RPTOR: variants seen among roughly 807,000 people sequenced by gnomAD.
RPTOR encodes regulatory associated protein of MTOR complex 1, also known as regulatory-associated protein of mTOR.
In RPTOR, 21 loss-of-function variants were observed where a neutral mutation model predicts 169.9. The ratio of observed to expected loss-of-function variants is 0.12; its 90% confidence interval spans 0.09 to 0.18. The LOEUF (loss-of-function observed/expected upper bound fraction) is 0.18, where lower values mean the gene tolerates loss of function less well. Among genes scored for constraint, RPTOR ranks in the 10% least tolerant of loss-of-function variants. The pLI, the probability that RPTOR is intolerant of heterozygous loss-of-function variation, is 1.00. For synonymous variants in RPTOR, 732 were observed against 753.2 expected (o/e 0.97, Z 0.46); for missense variants, 1,133 against 1,855.9 (o/e 0.61, Z 7.16).
intron 4 of RPTOR, among the ~76,000 whole-genome samples, chr17:80,725,263 G>A (rs2066321639): frequency 6.6e-6 from 1 of 152,212 alleles, no homozygotes; most frequent in Non-Finnish European, 1.5e-5. Flanking sequence ...ACAGACTGGT[G>A]AGGCAGGCGG....
chr17:80,690,885 C>A (rs1035966807), intron 3 of RPTOR, among the ~76,000 whole-genome samples: 1 of 152,142 alleles, frequency 6.6e-6, no homozygotes, highest in Non-Finnish European at 1.5e-5. Flanking sequence ...GCCTCAAATT[C>A]TCGGGCCCAA....
intron 2 of RPTOR, among the ~76,000 whole-genome samples, chr17:80,631,056 G>A (rs73443098): frequency 2.3e-4 from 35 of 152,250 alleles, no homozygotes; most frequent in African/African-American, 8.2e-4. Flanking sequence ...CTGTGCCCAG[G>A]GCGTGTTCTG....
Position 80,960,290 on chromosome 17 carries a change from G to A in RPTOR, c.3605+85G>A, listed in dbSNP as rs538970191. ...GGCCGTGTCACTGCCATTTGGTTGG[G>A]TCCAGGTTTCTCAGTGAGATGCAAA... On this transcript the variant is annotated intron_variant, in intron 30 of 33. Transcript: ENST00000306801. This position sits in a 1 kb window ranked among gnomAD's most constrained non-coding sequence, Gnocchi z 4.8. 80 of 1,562,120 alleles carry A rather than the reference G, an allele frequency of 5.1e-5. 1 individual carries two copies. In the South Asian group the frequency reaches 8.7e-4, roughly 17 times the overall value.
chr17:80,650,447 CCT>C (rs973466126), intron 3 of RPTOR, among the ~76,000 whole-genome samples: 13 of 152,188 alleles, frequency 8.5e-5, no homozygotes, highest in African/African-American at 3.1e-4. Flanking sequence ...CGGGAGCGCC[CCT>C]CTCACTGGTA....
At chr17:80,932,361 AG>A (rs2068908476) in intron 24 of RPTOR, among the ~76,000 whole-genome samples, 1 of 152,172 alleles carries the variant, frequency 6.6e-6, no homozygotes, top group Admixed American at 6.5e-5. Context: ...ACAAAGGAAA[AG>A]TATGAGATGC....
intron 3 of RPTOR, among the ~76,000 whole-genome samples, chr17:80,696,843 G>T (rs62067880): frequency 6.6e-6 from 1 of 152,124 alleles, no homozygotes; most frequent in Non-Finnish European, 1.5e-5. Context: ...AGGGGAACAC[G>T]GTGGCACCCA....
intron 6 of RPTOR, among the ~76,000 whole-genome samples, chr17:80,767,576 C>A (rs1481654392): frequency 1.3e-5 from 2 of 152,168 alleles, no homozygotes; most frequent in African/African-American, 2.4e-5. Flanking sequence ...AACAACCATT[C>A]AAAGACAACC....
At position 80,553,100 on chromosome 17, in the gene RPTOR, C is replaced by T. The variant is rs186124594; in HGVS notation, c.162+7309C>T. Among the ~76,000 whole-genome samples the T allele has an allele frequency of 1.7e-3, 252 of 152,358 alleles. 2 individuals are homozygous for T. The highest frequency in any genetic ancestry group is 5.4e-3 in the African/African-American group (225 of 41,574). On this transcript the variant is annotated intron_variant, in intron 1 of 33. Coordinates refer to ENST00000306801, the MANE Select transcript of RPTOR (RefSeq NM_020761.3). ...AAAGTGATGAATCAAGACAGCGGTG[C>T]CAAGCTGTACTACTAGTTCCTGATT...
chr17:80,556,079 G>GA, intron 1 of RPTOR, among the ~76,000 whole-genome samples: 1 of 148,054 alleles, frequency 6.8e-6, no homozygotes, highest in South Asian at 2.1e-4. Flanking sequence ...AGACTCACAT[G>GA]AGACACTCAC....
At chr17:80,783,010 G>A (rs2066957074) in intron 6 of RPTOR, among the ~76,000 whole-genome samples, 1 of 152,224 alleles carries the variant, frequency 6.6e-6, no homozygotes, top group Non-Finnish European at 1.5e-5. Flanking sequence ...TGTGTTGTGT[G>A]TGTGTTTCCT....
At chr17:80,783,187 G>A (rs1193486179) in intron 6 of RPTOR, among the ~76,000 whole-genome samples, 1 of 152,236 alleles carries the variant, frequency 6.6e-6, no homozygotes, top group African/African-American at 2.4e-5. Context: ...TTCGAAAATA[G>A]AAGGTGGCTT....
intron 3 of RPTOR, among the ~76,000 whole-genome samples, chr17:80,673,100 T>C (rs940419997): frequency 2.0e-5 from 3 of 152,076 alleles, no homozygotes; most frequent in African/African-American, 7.2e-5. Flanking sequence ...CCAATTTTTA[T>C]ATTTTTAGTA....
rs770096060 is a variant in RPTOR, at chr17:80,947,361, G to A, written c.3265+10G>A. The A allele has an allele frequency of 6.5e-7, 1 of 1,546,776 alleles. No individual in the cohort carries two copies. The highest frequency in any genetic ancestry group is 1.2e-5 in the South Asian group (1 of 81,300). ...CTGCTGACGGCCACAGGTGAGCGGG[G>A]TTTGCACAGCCAGGATTGGAAGCCA... On this transcript the variant is annotated intron_variant, in intron 27 of 33. Transcript: ENST00000306801. The surrounding 1 kb of genome is among the most constrained non-coding windows in gnomAD (Gnocchi z 4.4).
intron 24 of RPTOR, among the ~76,000 whole-genome samples, chr17:80,925,774 C>T (rs1427954260): frequency 1.3e-5 from 2 of 152,350 alleles, no homozygotes; most frequent in South Asian, 2.1e-4. Flanking sequence ...GAGGATCACT[C>T]GAGGCCCATC....
intron 13 of RPTOR, among the ~76,000 whole-genome samples, chr17:80,862,944 G>A (rs1280764545): frequency 6.6e-6 from 1 of 152,228 alleles, no homozygotes; most frequent in Non-Finnish European, 1.5e-5. Context: ...ACACTTAAGA[G>A]TTTGAGAAGG....
chr17:80,634,598 G>A (rs2065482436), intron 2 of RPTOR, among the ~76,000 whole-genome samples: 1 of 10,162 alleles, frequency 9.8e-5, no homozygotes, highest in East Asian at 3.5e-3. Flanking sequence ...CTGTGTGTGT[G>A]CGTACTGTGT....
intron 28 of RPTOR, among the ~76,000 whole-genome samples, chr17:80,950,666 A>G (rs1014636313): frequency 1.3e-5 from 2 of 151,958 alleles, no homozygotes; most frequent in Non-Finnish European, 2.9e-5. Flanking sequence ...CTTCCCTGGG[A>G]CAGGGCAGGA....
intron 11 of RPTOR, among the ~76,000 whole-genome samples, 196 bp from the exon 12 acceptor site, chr17:80,855,268 G>C (rs1261290514): frequency 6.6e-6 from 1 of 152,194 alleles, no homozygotes; most frequent in Non-Finnish European, 1.5e-5. Flanking sequence ...TGTAATAAAG[G>C]CATAAAGCGT....
intron 29 of RPTOR, among the ~76,000 whole-genome samples, chr17:80,958,419 T>TA (rs2069286091): frequency 7.2e-6 from 1 of 139,758 alleles, no homozygotes; most frequent in African/African-American, 2.8e-5. Flanking sequence ...TTTTTTTTTT[T>TA]TTTTTTTTTG....
Sources: gnomAD v4.1 joint callset for allele counts (sites outside exome capture counted in the v4.1 genomes callset) on GRCh38, gnomAD v4.1.1 for gene constraint, Gnocchi (gnomAD v3.1) non-coding constraint, MANE v1.5 for transcripts, NCBI Gene and HGNC (gene_info 2026-07-23, HGNC 2026-07-21) for gene names.